LGSN: variants seen among roughly 807,000 people sequenced by gnomAD.
LGSN encodes lengsin, lens protein with glutamine synthetase domain.
Under a neutral mutation model 19.5 loss-of-function variants are expected in LGSN, and 21 were observed. That is an observed-to-expected ratio of 1.07 (90% CI 0.76 to 1.55). The LOEUF (loss-of-function observed/expected upper bound fraction) is 1.55, where lower values mean the gene tolerates loss of function less well. Ranked by LOEUF, LGSN falls within the 40% of genes most tolerant of loss-of-function variation. The pLI, the probability that LGSN is intolerant of heterozygous loss-of-function variation, is 0.00. For missense variants in LGSN, 673 were observed against 608.5 expected, an observed-to-expected ratio of 1.11 and a Z score of -1.12; for synonymous variants, 257 against 215.6, an observed-to-expected ratio of 1.19 and a Z score of -1.68.
the LGSN span, among the ~76,000 whole-genome samples, chr6:63,412,184 C>A: frequency 6.6e-6 from 1 of 151,770 alleles, no homozygotes; most frequent in East Asian, 2.0e-4. Context: ...CTGGCCAACA[C>A]GGCAAAACCC....
chr6:63,465,172 C>T, the LGSN span, among the ~76,000 whole-genome samples: 4 of 151,936 alleles, frequency 2.6e-5, no homozygotes, highest in East Asian at 1.9e-4. Context: ...ATTTCCTTTT[C>T]GTTGTTGTTG....
Position 63,279,992 on chromosome 6 carries a change from T to A in LGSN, c.*29A>T. ...AGATTAGCTTTAAGTAACAATTACA[T>A]GTCTAAAGGAGTAGTTGTGAGCTCT... On this transcript the variant is annotated 3_prime_UTR_variant, in exon 4 of 4. Transcript: ENST00000370657. 1 of 1,518,270 alleles carries A rather than the reference T, an allele frequency of 6.6e-7. No individual in the cohort carries two copies. The highest frequency in any genetic ancestry group is 8.8e-7 in the Non-Finnish European group (1 of 1,131,684). 94.0% of individuals were successfully genotyped at this position (1,518,270 alleles called of 1,614,324 possible).
At chr6:63,358,514 G>A in the LGSN span, among the ~76,000 whole-genome samples, 1 of 152,134 alleles carries the variant, frequency 6.6e-6, no homozygotes, top group Non-Finnish European at 1.5e-5. Context: ...TCATTGAGCA[G>A]TGGTTTGTAG....
chr6:63,406,954 C>A, the LGSN span, among the ~76,000 whole-genome samples: 3 of 152,078 alleles, frequency 2.0e-5, no homozygotes, highest in Non-Finnish European at 4.4e-5. Flanking sequence ...TCCTCGACAC[C>A]TACACCCTCC....
At chr6:63,500,549 G>A in the LGSN span, among the ~76,000 whole-genome samples, 1 of 151,852 alleles carries the variant, frequency 6.6e-6, no homozygotes, top group Non-Finnish European at 1.5e-5. Context: ...AGCCTCCCAG[G>A]TAGCTGGGAT....
At chr6:63,336,910 T>C in the LGSN span, among the ~76,000 whole-genome samples, 1 of 146,498 alleles carries the variant, frequency 6.8e-6, no homozygotes, top group African/African-American at 2.5e-5. Context: ...CCAAAAATTA[T>C]GACATTCCTT....
At chr6:63,338,990 C>G in the LGSN span, among the ~76,000 whole-genome samples, 1 of 151,994 alleles carries the variant, frequency 6.6e-6, no homozygotes, top group Non-Finnish European at 1.5e-5. Flanking sequence ...TTTCAAAGTT[C>G]CTCTTGTTAT....
At chr6:63,333,022 A>C in the LGSN span, among the ~76,000 whole-genome samples, 1 of 151,910 alleles carries the variant, frequency 6.6e-6, no homozygotes, top group Non-Finnish European at 1.5e-5. Flanking sequence ...CTTCACGGTG[A>C]GTGTTACAGC....
the LGSN span, among the ~76,000 whole-genome samples, chr6:63,476,362 A>T: frequency 1.3e-5 from 2 of 152,264 alleles, no homozygotes; most frequent in Non-Finnish European, 1.5e-5. Flanking sequence ...ATAACAAATT[A>T]CCCCAAAATT....
chr6:63,412,547 AAAGAAAGAAAGAAAGAAAGAAAGGAAGG>A, the LGSN span, among the ~76,000 whole-genome samples: 325 of 140,476 alleles, frequency 2.3e-3, 8 homozygotes, highest in African/African-American at 8.9e-3. Flanking sequence ...AGAAAGAAAG[AAAGAAAGAAAGAAAGAAAGAAAGGAAGG>A]AAGGAAAGAA....
At chr6:63,325,529 G>T in the LGSN span, among the ~76,000 whole-genome samples, 8 of 152,174 alleles carry the variant, frequency 5.3e-5, no homozygotes, top group Non-Finnish European at 5.9e-5. Context: ...AACCTACCAA[G>T]ATTGAATAAG....
the LGSN span, among the ~76,000 whole-genome samples, chr6:63,409,933 G>A: frequency 2.1e-4 from 32 of 152,232 alleles, no homozygotes; most frequent in South Asian, 6.6e-3. Flanking sequence ...CTATTCGGGA[G>A]GCTGAGGCAG....
the LGSN span, among the ~76,000 whole-genome samples, chr6:63,509,893 T>C: frequency 6.6e-6 from 1 of 152,214 alleles, no homozygotes; most frequent in Non-Finnish European, 1.5e-5. Flanking sequence ...CCTCCCACAC[T>C]GATAGTGCCT....
the LGSN span, among the ~76,000 whole-genome samples, chr6:63,505,633 G>GAAAGAAAGAAAT: frequency 4.4e-3 from 428 of 97,196 alleles, 57 homozygotes; most frequent in Middle Eastern, 0.014. Flanking sequence ...AAGAAAGAAA[G>GAAAGAAAGAAAT]AAATTCTGGC....
the LGSN span, among the ~76,000 whole-genome samples, chr6:63,426,194 C>CACTCTTCATATCTTTTA: frequency 6.6e-6 from 1 of 152,108 alleles, no homozygotes; most frequent in Non-Finnish European, 1.5e-5. Context: ...TTGTTTCACA[C>CACTCTTCATATCTTTTA]TGTATTTCAT....
chr6:63,315,796 A>G (rs1289093397), intron 1 of LGSN, among the ~76,000 whole-genome samples: 2 of 151,320 alleles, frequency 1.3e-5, no homozygotes, highest in Non-Finnish European at 2.9e-5. Context: ...GTGGTTTACA[A>G]CTCTTATTTC....
rs2459568 is a variant in LGSN, at chr6:63,295,000, T to A, written c.76A>T (p.Asn26Tyr). 3,224 of 1,613,684 alleles carry A rather than the reference T, an allele frequency of 2.0e-3. 46 individuals are homozygous for A. The African/African-American group carries it at 0.036, about 18-fold the overall frequency. Residue 26 changes from asparagine (N) to tyrosine (Y), a missense_variant, in exon 2 of 4, where the codon AAC becomes TAC. Coordinates refer to ENST00000370657, the MANE Select transcript of LGSN (RefSeq NM_016571.3). ...EGNETEANSM[N>Y]TLRRTRKKVT... Reference sequence around the variant, plus strand: ...TTCTTCCTTGTCCTTCTTAATGTGTTCATGCTGTTGGCTTCAGTCTCATTG... The same window carrying A: ...TTCTTCCTTGTCCTTCTTAATGTGTACATGCTGTTGGCTTCAGTCTCATTG...
At chr6:63,549,577 T>A in the LGSN span, 2 of 599,484 alleles carry the variant, frequency 3.3e-6, no homozygotes, top group Non-Finnish European at 2.9e-6. Flanking sequence ...TTTTTTTTTT[T>A]AAAGAAAACC....
At chr6:63,380,084 C>A in the LGSN span, among the ~76,000 whole-genome samples, 7 of 152,094 alleles carry the variant, frequency 4.6e-5, no homozygotes, top group Non-Finnish European at 5.9e-5. Flanking sequence ...GGTGATCCAC[C>A]GCCTTGGCCT....
Sources: allele counts gnomAD v4.1 joint callset (sites outside exome capture counted in the v4.1 genomes callset), GRCh38; gene constraint gnomAD v4.1.1; transcripts MANE v1.5; gene names NCBI Gene and HGNC (gene_info 2026-07-23, HGNC 2026-07-21).